CD47: variants seen among roughly 807,000 people sequenced by gnomAD.
CD47 encodes the protein CD47 molecule, also known as leukocyte surface antigen CD47.
Under a neutral mutation model 44.6 loss-of-function variants are expected in CD47, and 11 were observed. The observed-to-expected ratio is 0.25, with a 90% CI of 0.16 to 0.41. CD47 has a LOEUF of 0.41. Among genes scored for constraint, CD47 ranks in the 10% least tolerant of loss-of-function variants. The pLI is 1.00. For synonymous variants in CD47, 140 were observed against 136.3 expected (o/e 1.03, Z -0.19); for missense variants, 306 against 386.7 (o/e 0.79, Z 1.75).
chr3:108,047,514 A>T (rs41267009), intron 10 of CD47, among the ~76,000 whole-genome samples: 14,865 of 152,310 alleles, frequency 0.098, 1,476 homozygotes, highest in East Asian at 0.55. Context: ...AGAGTCTGAT[A>T]ATCTCTGTTT....
intron 2 of CD47, among the ~76,000 whole-genome samples, chr3:108,072,891 T>C (rs2079233028): frequency 6.6e-6 from 1 of 152,172 alleles, no homozygotes; most frequent in East Asian, 1.9e-4. Context: ...TGAGAAATTA[T>C]TAACCCCTCC....
At chr3:108,068,312 C>A (rs574352091) in intron 3 of CD47, among the ~76,000 whole-genome samples, 27 of 152,150 alleles carry the variant, frequency 1.8e-4, no homozygotes, top group African/African-American at 6.5e-4. Flanking sequence ...CACATACATT[C>A]GTGTCTCCCT....
chr3:108,064,687 A>T (rs2079073897), intron 3 of CD47, among the ~76,000 whole-genome samples: 2 of 152,210 alleles, frequency 1.3e-5, no homozygotes. Context: ...CTGCCCAAAG[A>T]CATGACATTT....
intron 3 of CD47, among the ~76,000 whole-genome samples, chr3:108,069,174 G>A (rs1437433338): frequency 6.6e-6 from 1 of 152,142 alleles, no homozygotes; most frequent in Non-Finnish European, 1.5e-5. Context: ...TGTATCTAGA[G>A]TCTTAAAATA....
chr3:108,057,436 G>A, intron 7 of CD47, 41 bp downstream of exon 7: 1 of 931,258 alleles, frequency 1.1e-6, no homozygotes, highest in Non-Finnish European at 1.8e-6. Flanking sequence ...TGATATATCT[G>A]AAATTATTGG....
intron 2 of CD47, among the ~76,000 whole-genome samples, chr3:108,078,614 T>TAAC (rs2108264055): frequency 6.6e-6 from 1 of 152,102 alleles, no homozygotes; most frequent in African/African-American, 2.4e-5. Flanking sequence ...AAGGTATACT[T>TAAC]AACAACAACA....
intron 2 of CD47, among the ~76,000 whole-genome samples, chr3:108,076,493 T>C (rs1334090252): frequency 6.6e-6 from 1 of 152,232 alleles, no homozygotes; most frequent in Admixed American, 6.5e-5. Context: ...ATGAACCACA[T>C]ATTACGGTGG....
chr3:108,089,411 C>A (rs2079584767), intron 1 of CD47, among the ~76,000 whole-genome samples: 1 of 152,196 alleles, frequency 6.6e-6, no homozygotes, highest in African/African-American at 2.4e-5. Flanking sequence ...TGATTTAAAT[C>A]TAACCTACCT....
chr3:108,047,265 C>T lies in CD47; in HGVS notation c.*23G>A, dbSNP rs199706249. The stretch of plus-strand genomic sequence containing the variant: ...TTTCACGTCTTACTACTCTCCAAAT[C>T]GGAGTCCATCACTTCACTTCAGTTA... On this transcript the variant is annotated 3_prime_UTR_variant, in exon 11 of 11. Transcript: ENST00000361309. 27 of 1,598,224 alleles carry T rather than the reference C, an allele frequency of 1.7e-5. No homozygotes were observed. In the East Asian group the frequency reaches 2.5e-4, roughly 15 times the overall value.
chr3:108,046,609 T>C lies in CD47; in HGVS notation c.*679A>G, dbSNP rs1462410949. The C allele has an allele frequency of 6.6e-6, 1 of 152,442 alleles. No homozygotes were observed. Among genetic ancestry groups the C allele is most frequent in the Non-Finnish European group, 1.5e-5 (1 of 68,012 alleles). The allele number at this position is 152,442 out of a possible 1,614,324, so 9.4% of individuals were successfully genotyped here. ...AATAAAAGGAAAACATATCCATCAATAAAAGTACCCTAAATCTGGGAAGGA... is the reference window on the plus strand; with the variant it reads ...AATAAAAGGAAAACATATCCATCAACAAAAGTACCCTAAATCTGGGAAGGA... On this transcript the variant is annotated 3_prime_UTR_variant, in exon 11 of 11. Coordinates refer to ENST00000361309, the MANE Select transcript of CD47 (RefSeq NM_001777.4).
chr3:108,063,628 A>C (rs189831397), intron 3 of CD47, among the ~76,000 whole-genome samples: 1 of 152,342 alleles, frequency 6.6e-6, no homozygotes, highest in East Asian at 1.9e-4. Context: ...AATGTATCAA[A>C]ACATTAAATG....
In CD47 at chr3:108,045,597, C is replaced by G. The variant is rs2078709573; in HGVS notation, c.*1691G>C. Reference sequence around the variant, plus strand: ...AGAAGAGCTGTCTTGCTAGTATGCTCAGTTTTCTGAGAGGCCTCAGCAGGT... The same window carrying G: ...AGAAGAGCTGTCTTGCTAGTATGCTGAGTTTTCTGAGAGGCCTCAGCAGGT... On this transcript the variant is annotated 3_prime_UTR_variant, in exon 11 of 11. Transcript: ENST00000361309. 6.6e-6 allele frequency: 1 copy of G among 151,668 alleles called. No individual in the cohort carries two copies. The highest frequency in any genetic ancestry group is 2.4e-5 in the African/African-American group (1 of 41,052). The allele number at this position is 151,668 out of a possible 1,614,324, so 9.4% of individuals were successfully genotyped here. A position where few individuals can be genotyped will look rare whatever the true frequency, so the allele number is the denominator to read the frequency against.
In CD47 at chr3:108,049,599, T is replaced by C; in HGVS notation, c.967+20A>G. On this transcript the variant is annotated intron_variant, in intron 10 of 10. Transcript: ENST00000361309. ...CATGTTTTAACTGATCTATAATTAT[T>C]AAGTGCATTTTATACTTACCATCAT... 6.9e-7 allele frequency: 1 copy of C among 1,456,340 alleles called. No individual in the cohort carries two copies. Among genetic ancestry groups the C allele is most frequent in the Non-Finnish European group, 9.6e-7 (1 of 1,036,698 alleles). 90.2% of individuals were successfully genotyped at this position (1,456,340 alleles called of 1,614,324 possible). A position where few individuals can be genotyped will look rare whatever the true frequency, so the allele number is the denominator to read the frequency against.
intron 9 of CD47, 144 bp downstream of exon 9, chr3:108,050,434 A>G (rs2078807096): frequency 3.3e-6 from 2 of 597,630 alleles, no homozygotes; most frequent in Non-Finnish European, 6.0e-6. Context: ...TTGATGAATA[A>G]TCAAGAGTAG....
chr3:108,086,342 A>C (rs1033449549), intron 1 of CD47, among the ~76,000 whole-genome samples: 1 of 152,148 alleles, frequency 6.6e-6, no homozygotes, highest in African/African-American at 2.4e-5. Context: ...AGACTACTGC[A>C]ATAGTCCAGG....
chr3:108,083,581 C>T (rs961008186), intron 1 of CD47, among the ~76,000 whole-genome samples: 4 of 151,992 alleles, frequency 2.6e-5, no homozygotes, highest in African/African-American at 7.2e-5. Context: ...GCATGGACAA[C>T]GTCCTTATGG....
At chr3:108,066,299 C>T (rs1173937130) in intron 3 of CD47, among the ~76,000 whole-genome samples, 1 of 152,042 alleles carries the variant, frequency 6.6e-6, no homozygotes, top group African/African-American at 2.4e-5. Flanking sequence ...AATTTGGAAT[C>T]AAGTACAGCA....
At chr3:108,082,050 G>A (rs976364167) in intron 1 of CD47, among the ~76,000 whole-genome samples, 1 of 151,972 alleles carries the variant, frequency 6.6e-6, no homozygotes, top group Admixed American at 6.6e-5. Context: ...AACACTGAGG[G>A]AGAGAGGACA....
chr3:108,065,506 T>G (rs1359523883), intron 3 of CD47, among the ~76,000 whole-genome samples: 1 of 152,092 alleles, frequency 6.6e-6, no homozygotes, highest in Admixed American at 6.6e-5. Context: ...GAGTTCAAGA[T>G]TATTGAACAG....
Sources: gnomAD v4.1 joint callset for allele counts (sites outside exome capture counted in the v4.1 genomes callset) on GRCh38, gnomAD v4.1.1 for gene constraint, MANE v1.5 for transcripts, NCBI Gene and HGNC (gene_info 2026-07-23, HGNC 2026-07-21) for gene names.